ACYP2: variants seen among roughly 807,000 people sequenced by gnomAD.
ACYP2 encodes acylphosphatase-2.
A neutral mutation model predicts 11.2 loss-of-function variants in ACYP2; 12 were observed. That is an observed-to-expected ratio of 1.08 (90% CI 0.69 to 1.74). ACYP2 has a LOEUF of 1.74. ACYP2 is among the 40% of genes most tolerant of loss of function. ACYP2 has a pLI of 0.00. For synonymous variants in ACYP2, 43 were observed against 32.2 expected (o/e 1.33, Z -1.13); for missense variants, 134 against 101.9 (o/e 1.31, Z -1.35).
chr2:54,002,634 C>G (rs1672856639), intron 2 of ACYP2, among the ~76,000 whole-genome samples: 2 of 149,290 alleles, frequency 1.3e-5, no homozygotes, highest in Admixed American at 1.3e-4. Flanking sequence ...CATGAGCTAC[C>G]ATGCCTGGCC....
intron 6 of ACYP2, among the ~76,000 whole-genome samples, chr2:54,300,174 T>G (rs1476420711): frequency 6.6e-6 from 1 of 152,190 alleles, no homozygotes; most frequent in Non-Finnish European, 1.5e-5. Flanking sequence ...AGTCCACTCA[T>G]CTCTTGATCC....
intron 2 of ACYP2, among the ~76,000 whole-genome samples, chr2:54,048,888 C>T (rs1675672249): frequency 6.6e-6 from 1 of 152,066 alleles, no homozygotes; most frequent in South Asian, 2.1e-4. Flanking sequence ...GTAGGTGCAC[C>T]TCAGGGCTCA....
intron 2 of ACYP2, among the ~76,000 whole-genome samples, chr2:53,995,036 C>G (rs1672505369): frequency 6.6e-6 from 1 of 152,104 alleles, no homozygotes; most frequent in African/African-American, 2.4e-5. Flanking sequence ...GTCAGTGTCT[C>G]ATGAAAAGAA....
At chr2:53,973,035 A>G (rs985536191) in intron 1 of ACYP2, among the ~76,000 whole-genome samples, 2 of 152,190 alleles carry the variant, frequency 1.3e-5, no homozygotes, top group Non-Finnish European at 2.9e-5. Context: ...CAGACAGAGA[A>G]AAGGAAGGTA....
chr2:54,061,742 CATTT>C (rs960090194), intron 4 of ACYP2, among the ~76,000 whole-genome samples: 1 of 152,114 alleles, frequency 6.6e-6, no homozygotes, highest in African/African-American at 2.4e-5. Flanking sequence ...TAATACAACA[CATTT>C]ATTTTCTTAT....
intron 4 of ACYP2, among the ~76,000 whole-genome samples, chr2:54,062,032 T>A (rs1314348756): frequency 6.6e-6 from 1 of 152,222 alleles, no homozygotes; most frequent in Non-Finnish European, 1.5e-5. Context: ...GTGTTTTGCG[T>A]AAGTTGCATT....
At chr2:54,151,092 T>C (rs1682147158) in intron 6 of ACYP2, among the ~76,000 whole-genome samples, 1 of 152,174 alleles carries the variant, frequency 6.6e-6, no homozygotes, top group Non-Finnish European at 1.5e-5. Flanking sequence ...TTAAAATGTG[T>C]TCATAGTTCA....
At chr2:54,049,855 T>G (rs1378087771) in intron 2 of ACYP2, among the ~76,000 whole-genome samples, 1 of 152,242 alleles carries the variant, frequency 6.6e-6, no homozygotes, top group Non-Finnish European at 1.5e-5. Context: ...ACTTACTTTT[T>G]GCCAAGCTTA....
intron 6 of ACYP2, among the ~76,000 whole-genome samples, chr2:54,210,141 CAAAAAAAA>C (rs57860939): frequency 1.1e-4 from 8 of 70,996 alleles, no homozygotes; most frequent in African/African-American, 2.3e-4. Flanking sequence ...GACTGTGTCT[CAAAAAAAA>C]AAAAAAAAAA....
At chr2:54,264,053 C>T (rs574777886) in intron 6 of ACYP2, among the ~76,000 whole-genome samples, 39 of 152,180 alleles carry the variant, frequency 2.6e-4, no homozygotes, top group Non-Finnish European at 5.0e-4. Context: ...CTTGGTCTCA[C>T]TGACTTCAAG....
intron 4 of ACYP2, among the ~76,000 whole-genome samples, chr2:54,118,791 A>C (rs1193172693): frequency 6.6e-6 from 1 of 152,222 alleles, no homozygotes; most frequent in East Asian, 1.9e-4. Context: ...AAGAGAGTAC[A>C]TGCCCACTAT....
At chr2:54,146,401 C>G (rs965341936) in intron 6 of ACYP2, among the ~76,000 whole-genome samples, 1 of 151,536 alleles carries the variant, frequency 6.6e-6, no homozygotes, top group Non-Finnish European at 1.5e-5. Flanking sequence ...TCTTTTGGAC[C>G]CTCTTCTTTT....
At chr2:53,994,307 G>T (rs1474671696) in intron 2 of ACYP2, among the ~76,000 whole-genome samples, 1 of 127,064 alleles carries the variant, frequency 7.9e-6, no homozygotes, top group African/African-American at 3.0e-5. Context: ...TCTAGCCTGG[G>T]TAACAGAGCA....
intron 4 of ACYP2, among the ~76,000 whole-genome samples, chr2:54,060,569 T>G (rs1041727962): frequency 1.3e-5 from 2 of 152,220 alleles, no homozygotes; most frequent in Non-Finnish European, 2.9e-5. Flanking sequence ...AGTTATCTAT[T>G]TCTACTTTTA....
intron 2 of ACYP2, among the ~76,000 whole-genome samples, chr2:54,003,223 C>T (rs1672884995): frequency 6.6e-6 from 1 of 152,120 alleles, no homozygotes; most frequent in African/African-American, 2.4e-5. Context: ...GATGGGATTA[C>T]AGGTGTGAGC....
intron 2 of ACYP2, among the ~76,000 whole-genome samples, chr2:54,037,222 C>G (rs1300150005): frequency 6.6e-6 from 1 of 152,072 alleles, no homozygotes; most frequent in African/African-American, 2.4e-5. Context: ...AAGTGATCCT[C>G]TGGCCTCGGC....
At chr2:54,024,038 C>A (rs113966544) in intron 2 of ACYP2, among the ~76,000 whole-genome samples, 2,324 of 152,140 alleles carry the variant, frequency 0.015, 33 homozygotes, top group African/African-American at 0.036. Flanking sequence ...ATGCAAAAAT[C>A]CTCAACAAAA....
chr2:54,263,258 A>C (rs912104214), intron 6 of ACYP2, among the ~76,000 whole-genome samples: 4 of 152,162 alleles, frequency 2.6e-5, no homozygotes, highest in Non-Finnish European at 5.9e-5. Context: ...GGGAGGTGCC[A>C]CACACTTAAG....
intron 2 of ACYP2, among the ~76,000 whole-genome samples, chr2:54,044,653 C>A (rs771367181): frequency 6.6e-6 from 1 of 151,980 alleles, no homozygotes; most frequent in African/African-American, 2.4e-5. Flanking sequence ...TAATCAGGAC[C>A]CTACAATTAC....
Sources: allele counts gnomAD v4.1 joint callset (sites outside exome capture counted in the v4.1 genomes callset), GRCh38; gene constraint gnomAD v4.1.1; transcripts MANE v1.5; gene names NCBI Gene and HGNC (gene_info 2026-07-23, HGNC 2026-07-21).